Variants in NYAP2 observed in about 807,000 individuals in gnomAD.
The protein encoded by NYAP2 is neuronal tyrosine-phosphorylated phosphoinositide-3-kinase adaptor 2.
A neutral mutation model predicts 50.4 loss-of-function variants in NYAP2; 23 were observed. The observed-to-expected ratio is 0.46, with a 90% CI of 0.33 to 0.65. The LOEUF (loss-of-function observed/expected upper bound fraction) is 0.65. Ranked by LOEUF, NYAP2 falls within the 30% of genes least tolerant of loss-of-function variation. The probability of loss-of-function intolerance (pLI) is 0.02; values close to 1 mark genes in which losing one functional copy is unlikely to be tolerated. For synonymous variants in NYAP2, 394 were observed against 365.2 expected, an observed-to-expected ratio of 1.08 and a Z score of -0.90; for missense variants, 885 against 861.0, an observed-to-expected ratio of 1.03 and a Z score of -0.35.
intron 4 of NYAP2, among the ~76,000 whole-genome samples, chr2:225,580,514 T>C (rs1448112870): frequency 2.0e-5 from 3 of 152,180 alleles, no homozygotes; most frequent in African/African-American, 7.2e-5. Flanking sequence ...TCTACACAGA[T>C]TATGAACCTT....
intron 3 of NYAP2, among the ~76,000 whole-genome samples, chr2:225,502,361 A>C (rs1452572035): frequency 6.6e-6 from 1 of 152,228 alleles, no homozygotes; most frequent in Non-Finnish European, 1.5e-5. Flanking sequence ...CTCCTTCATC[A>C]TAAATTGAGA....
chr2:225,563,520 T>A (rs1691910608), intron 4 of NYAP2, among the ~76,000 whole-genome samples: 1 of 152,084 alleles, frequency 6.6e-6, no homozygotes, highest in Middle Eastern at 3.2e-3. Context: ...GAAGGCTATG[T>A]GTACTGTAAT....
chr2:225,516,509 A>G (rs1030718419), intron 4 of NYAP2, among the ~76,000 whole-genome samples: 4 of 152,164 alleles, frequency 2.6e-5, no homozygotes, highest in Non-Finnish European at 5.9e-5. Flanking sequence ...CCCATAGAGA[A>G]GTGATTCTTC....
intron 6 of NYAP2, among the ~76,000 whole-genome samples, chr2:225,631,374 T>C (rs1355667099): frequency 1.3e-5 from 2 of 152,320 alleles, no homozygotes; most frequent in East Asian, 3.9e-4. Flanking sequence ...AGCAGGAAAT[T>C]GTCTACTGAC....
At chr2:225,465,518 C>T (rs942895727) in intron 3 of NYAP2, among the ~76,000 whole-genome samples, 4 of 152,020 alleles carry the variant, frequency 2.6e-5, no homozygotes, top group African/African-American at 9.7e-5. Flanking sequence ...AGTTTGAGAC[C>T]AGTCTAGCCA....
intron 3 of NYAP2, among the ~76,000 whole-genome samples, chr2:225,490,686 A>T (rs113217327): frequency 1.8e-4 from 27 of 152,330 alleles, no homozygotes; most frequent in African/African-American, 5.5e-4. Flanking sequence ...TGCAGGGCTG[A>T]CTCAGAGAGG....
chr2:225,702,942 C>T, the NYAP2 span: 1 of 151,266 alleles, frequency 6.6e-6, no homozygotes, highest in Admixed American at 6.6e-5. Flanking sequence ...ATGTATACAC[C>T]CACGTACAGT....
chr2:225,449,827 G>C (rs1246380278), intron 3 of NYAP2, among the ~76,000 whole-genome samples: 2 of 151,654 alleles, frequency 1.3e-5, no homozygotes, highest in Admixed American at 6.6e-5. Flanking sequence ...ATGTTGGTCA[G>C]GCTGGTCTCG....
intron 6 of NYAP2, among the ~76,000 whole-genome samples, chr2:225,637,695 T>C (rs1332099199): frequency 1.3e-5 from 2 of 152,210 alleles, no homozygotes; most frequent in African/African-American, 2.4e-5. Flanking sequence ...TTTATTTCTC[T>C]GTGGAAAACT....
intron 5 of NYAP2, among the ~76,000 whole-genome samples, chr2:225,618,969 T>G (rs1693042021): frequency 1.3e-5 from 2 of 152,178 alleles, no homozygotes; most frequent in South Asian, 4.1e-4. Context: ...CCTGTCCTAA[T>G]CCCAAGACTG....
the NYAP2 span, among the ~76,000 whole-genome samples, chr2:225,672,819 G>T: frequency 1.3e-5 from 2 of 151,986 alleles, no homozygotes; most frequent in African/African-American, 4.8e-5. Flanking sequence ...AAGAGATGGG[G>T]GATATTTGGT....
chr2:225,474,843 C>T (rs1175437876), intron 3 of NYAP2, among the ~76,000 whole-genome samples: 1 of 152,214 alleles, frequency 6.6e-6, no homozygotes, highest in Admixed American at 6.5e-5. Context: ...ACTTCCAACA[C>T]TATGTTGAAT....
chr2:225,559,027 T>G (rs922744508), intron 4 of NYAP2, among the ~76,000 whole-genome samples: 2 of 152,114 alleles, frequency 1.3e-5, no homozygotes, highest in Non-Finnish European at 2.9e-5. Flanking sequence ...CTGGAGAAAT[T>G]GTTTTTATTA....
At chr2:225,607,283 C>T (rs1574706255) in intron 5 of NYAP2, among the ~76,000 whole-genome samples, 1 of 152,008 alleles carries the variant, frequency 6.6e-6, no homozygotes, top group South Asian at 2.1e-4. Flanking sequence ...CAGTGACACA[C>T]AGATGATGGC....
At chr2:225,652,635 C>T (rs1362550503) in exon 7 of NYAP2, 1 of 152,170 alleles carries the variant, frequency 6.6e-6, no homozygotes, top group Non-Finnish European at 1.5e-5. Context: ...GGAATGTTTT[C>T]TCTCTGCTTC....
At chr2:225,498,144 G>A (rs1018472712) in intron 3 of NYAP2, among the ~76,000 whole-genome samples, 1 of 151,716 alleles carries the variant, frequency 6.6e-6, no homozygotes, top group Non-Finnish European at 1.5e-5. Flanking sequence ...TACACTCAAA[G>A]AATTATACTA....
At chr2:225,666,208 C>G in the NYAP2 span, among the ~76,000 whole-genome samples, 2 of 152,266 alleles carry the variant, frequency 1.3e-5, no homozygotes, top group South Asian at 4.1e-4. Context: ...TCCCATGTCA[C>G]CTATGTAGCC....
intron 4 of NYAP2, among the ~76,000 whole-genome samples, chr2:225,573,712 T>G (rs2106223627): frequency 6.6e-6 from 1 of 152,296 alleles, no homozygotes; most frequent in East Asian, 1.9e-4. Context: ...GTCTGAGCAA[T>G]CTTTCTCCTC....
intron 4 of NYAP2, among the ~76,000 whole-genome samples, chr2:225,525,874 C>T (rs557327949): frequency 1.8e-4 from 28 of 152,300 alleles, no homozygotes; most frequent in African/African-American, 6.7e-4. Flanking sequence ...TGCTGTACTA[C>T]TTCTGTATCA....
Sources: allele counts gnomAD v4.1 joint callset (sites outside exome capture counted in the v4.1 genomes callset), GRCh38; gene constraint gnomAD v4.1.1; transcripts MANE v1.5; gene names NCBI Gene and HGNC (gene_info 2026-07-23, HGNC 2026-07-21).